Variants in CCDC148 observed in about 807,000 individuals in gnomAD.
CCDC148 encodes the protein coiled-coil domain containing 148, also known as coiled-coil domain-containing protein 148.
A neutral mutation model predicts 85.7 loss-of-function variants in CCDC148; 89 were observed. That is an observed-to-expected ratio of 1.04 (90% CI 0.87 to 1.24). CCDC148 has a LOEUF of 1.24. Ranked by LOEUF, CCDC148 falls within the 50% of genes most tolerant of loss-of-function variation. The pLI is 0.00. For synonymous variants in CCDC148, 230 were observed against 213.9 expected (o/e 1.08, Z -0.66); for missense variants, 692 against 671.7 (o/e 1.03, Z -0.33).
chr2:158,208,588 A>C (rs934069884), intron 11 of CCDC148, among the ~76,000 whole-genome samples: 1 of 152,172 alleles, frequency 6.6e-6, no homozygotes, highest in African/African-American at 2.4e-5. Flanking sequence ...TTGCCAGCAG[A>C]GATGCCCAAT....
At chr2:158,367,334 C>T (rs1684248426) in intron 1 of CCDC148, among the ~76,000 whole-genome samples, 1 of 152,180 alleles carries the variant, frequency 6.6e-6, no homozygotes, top group Non-Finnish European at 1.5e-5. Flanking sequence ...ATTCTGCCAT[C>T]CATAGCTTAG....
chr2:158,219,166 T>C (rs960770383), intron 11 of CCDC148, among the ~76,000 whole-genome samples: 6 of 152,168 alleles, frequency 3.9e-5, no homozygotes, highest in Non-Finnish European at 7.3e-5. Flanking sequence ...AAGCAGAAAG[T>C]ATAGAGTTCC....
chr2:158,444,894 T>A (rs1245134609), intron 1 of CCDC148, among the ~76,000 whole-genome samples: 1 of 150,028 alleles, frequency 6.7e-6, no homozygotes. Context: ...AAATTTTTAC[T>A]AATCTTAACA....
chr2:158,414,469 A>G (rs10207269), intron 1 of CCDC148, among the ~76,000 whole-genome samples: 7,533 of 152,260 alleles, frequency 0.049, 326 homozygotes, highest in African/African-American at 0.11. Context: ...TGCAGTGCCC[A>G]GTGCCCAATA....
At chr2:158,309,766 T>C in intron 8 of CCDC148, 127 bp from the exon 9 acceptor site, 1 of 734,460 alleles carries the variant, frequency 1.4e-6, no homozygotes. Flanking sequence ...GACAAATATT[T>C]AATCGTAAAT....
intron 2 of CCDC148, among the ~76,000 whole-genome samples, chr2:158,357,176 A>G (rs1264448862): frequency 6.6e-6 from 1 of 151,832 alleles, no homozygotes; most frequent in African/African-American, 2.4e-5. Flanking sequence ...ACATGTATAC[A>G]TATGTAACTA....
At chr2:158,199,684 G>A (rs1465371296) in intron 11 of CCDC148, among the ~76,000 whole-genome samples, 1 of 152,144 alleles carries the variant, frequency 6.6e-6, no homozygotes, top group Non-Finnish European at 1.5e-5. Flanking sequence ...TTAACTCCAA[G>A]TCCTGTCTCA....
intron 11 of CCDC148, among the ~76,000 whole-genome samples, chr2:158,217,558 A>G (rs1390326066): frequency 6.6e-6 from 1 of 151,770 alleles, no homozygotes; most frequent in Non-Finnish European, 1.5e-5. Context: ...ACCCGCCACC[A>G]TGCCCGGCTA....
intron 8 of CCDC148, among the ~76,000 whole-genome samples, chr2:158,312,343 G>A (rs567553004): frequency 6.6e-6 from 1 of 151,906 alleles, no homozygotes; most frequent in South Asian, 2.1e-4. Flanking sequence ...AAATGTATTG[G>A]GAGGCCGAGG....
intron 9 of CCDC148, among the ~76,000 whole-genome samples, chr2:158,287,923 G>T (rs558181559): frequency 2.8e-4 from 43 of 152,290 alleles, no homozygotes; most frequent in African/African-American, 1.0e-3. Flanking sequence ...GCAAACTTTT[G>T]CCTAGACATC....
intron 1 of CCDC148, among the ~76,000 whole-genome samples, chr2:158,396,389 A>G (rs1559118581): frequency 6.6e-6 from 1 of 151,932 alleles, no homozygotes; most frequent in African/African-American, 2.4e-5. Flanking sequence ...GCACCCCAAC[A>G]CTGAGGAAGA....
intron 8 of CCDC148, among the ~76,000 whole-genome samples, chr2:158,312,238 C>T (rs1692055437): frequency 6.6e-6 from 1 of 152,148 alleles, no homozygotes; most frequent in South Asian, 2.1e-4. Context: ...AACTTCTCAG[C>T]TTTGTTTTAT....
intron 11 of CCDC148, among the ~76,000 whole-genome samples, chr2:158,194,850 GAC>G (rs1685590199): frequency 7.6e-6 from 1 of 131,578 alleles, no homozygotes; most frequent in Non-Finnish European, 1.8e-5. Flanking sequence ...GAACTCCTCT[GAC>G]TATTATGTTA....
At chr2:158,341,465 C>T (rs1279014688) in intron 3 of CCDC148, among the ~76,000 whole-genome samples, 1 of 152,020 alleles carries the variant, frequency 6.6e-6, no homozygotes, top group African/African-American at 2.4e-5. Flanking sequence ...TGACACCACA[C>T]CTAGCTAATA....
At chr2:158,333,479 A>G (rs572190302) in intron 7 of CCDC148, among the ~76,000 whole-genome samples, 1 of 152,304 alleles carries the variant, frequency 6.6e-6, no homozygotes, top group Admixed American at 6.5e-5. Context: ...GATGCTGAAG[A>G]GAACGCATAT....
intron 11 of CCDC148, among the ~76,000 whole-genome samples, chr2:158,212,385 T>C (rs1686625945): frequency 6.6e-6 from 1 of 152,242 alleles, no homozygotes; most frequent in Non-Finnish European, 1.5e-5. Context: ...TTAAATTTCC[T>C]TAATGCCTTC....
intron 1 of CCDC148, among the ~76,000 whole-genome samples, chr2:158,386,035 G>A (rs1005087192): frequency 3.9e-5 from 6 of 151,986 alleles, no homozygotes; most frequent in Non-Finnish European, 8.8e-5. Context: ...GTTATATTAT[G>A]CCCAAGATTC....
chr2:158,342,774 G>A (rs1377994370), intron 3 of CCDC148, among the ~76,000 whole-genome samples: 10 of 152,056 alleles, frequency 6.6e-5, no homozygotes, highest in Non-Finnish European at 1.3e-4. Context: ...CATCATCTGG[G>A]CAAACGAGCA....
At chr2:158,448,177 C>A (rs1688239068) in intron 1 of CCDC148, among the ~76,000 whole-genome samples, 1 of 152,100 alleles carries the variant, frequency 6.6e-6, no homozygotes, top group Non-Finnish European at 1.5e-5. Flanking sequence ...TGAAAACCAA[C>A]TGATTGTAAA....
Sources: gnomAD v4.1 joint callset for allele counts (sites outside exome capture counted in the v4.1 genomes callset) on GRCh38, gnomAD v4.1.1 for gene constraint, MANE v1.5 for transcripts, NCBI Gene and HGNC (gene_info 2026-07-23, HGNC 2026-07-21) for gene names.